The following DNAH9 variants were observed in gnomAD, a reference collection of about 807,000 sequenced individuals.
The protein encoded by DNAH9 is DNAH9 variant protein.
Under a neutral mutation model 471.6 loss-of-function variants are expected in DNAH9, and 345 were observed. That is an observed-to-expected ratio of 0.73 (90% CI 0.67 to 0.80). The LOEUF (loss-of-function observed/expected upper bound fraction) is 0.80. Ranked by LOEUF, DNAH9 falls within the 30% of genes least tolerant of loss-of-function variation. The pLI is 0.00. For synonymous variants in DNAH9, 2,093 were observed against 2,123.6 expected, an observed-to-expected ratio of 0.99 and a Z score of 0.40; for missense variants, 5,407 against 5,609.2, an observed-to-expected ratio of 0.96 and a Z score of 1.15.
chr17:11,774,006 C>T (rs1371551062), intron 38 of DNAH9, among the ~76,000 whole-genome samples: 1 of 151,742 alleles, frequency 6.6e-6, no homozygotes, highest in East Asian at 1.9e-4. Context: ...CGTGGTGGTG[C>T]GTGCCTGTAG....
chr17:11,880,705 A>G (rs1972685211), intron 54 of DNAH9, among the ~76,000 whole-genome samples: 1 of 152,158 alleles, frequency 6.6e-6, no homozygotes, highest in Non-Finnish European at 1.5e-5. Flanking sequence ...CAGAGTAATT[A>G]TCATGAAGGG....
intron 68 of DNAH9, among the ~76,000 whole-genome samples, chr17:11,967,282 A>G (rs898818126): frequency 6.6e-6 from 1 of 151,582 alleles, no homozygotes; most frequent in African/African-American, 2.4e-5. Context: ...ACTTTTTTGA[A>G]TTTTAATAGA....
intron 11 of DNAH9, among the ~76,000 whole-genome samples, chr17:11,645,879 CTT>C (rs760279719): frequency 7.1e-5 from 5 of 70,606 alleles, no homozygotes; most frequent in Non-Finnish European, 1.5e-4. Flanking sequence ...TTTTCTTTTT[CTT>C]TTTTTTTTTT....
intron 61 of DNAH9, among the ~76,000 whole-genome samples, chr17:11,913,505 G>A (rs1048112609): frequency 6.6e-5 from 10 of 151,974 alleles, no homozygotes; most frequent in East Asian, 1.9e-4. Context: ...TTTATTGTCC[G>A]GGCACGGTGG....
At chr17:11,898,569 G>A (rs549219165) in intron 59 of DNAH9, among the ~76,000 whole-genome samples, 1 of 152,224 alleles carries the variant, frequency 6.6e-6, no homozygotes, top group African/African-American at 2.4e-5. Context: ...TATATATTTT[G>A]GGGAGACACA....
chr17:11,895,895 G>T (rs1973202016), intron 59 of DNAH9, among the ~76,000 whole-genome samples: 1 of 152,140 alleles, frequency 6.6e-6, no homozygotes, highest in Admixed American at 6.6e-5. Context: ...TTATATACTT[G>T]CCGTCCCCTT....
intron 62 of DNAH9, among the ~76,000 whole-genome samples, chr17:11,926,377 C>T (rs1974329116): frequency 6.6e-6 from 1 of 152,084 alleles, no homozygotes; most frequent in South Asian, 2.1e-4. Context: ...GCCCAGCATC[C>T]ATTAGCTGTT....
intron 28 of DNAH9, among the ~76,000 whole-genome samples, chr17:11,737,358 A>G (rs1307120950): frequency 7.2e-6 from 1 of 139,566 alleles, no homozygotes; most frequent in Non-Finnish European, 1.6e-5. Context: ...CACACACACA[A>G]CCCTACAGCC....
chr17:11,812,490 A>T lies in DNAH9; in HGVS notation c.8707+2121A>T, dbSNP rs142181176. On this transcript the variant is annotated intron_variant, in intron 45 of 68. Coordinates refer to ENST00000262442, the MANE Select transcript of DNAH9 (RefSeq NM_001372.4). The stretch of plus-strand genomic sequence containing the variant: ...CCAGGAAGTTCCTGGCTTTGGAATC[A>T]TTGTCTGCTTCATATTTTGTGGCAT... Among the ~76,000 whole-genome samples, 184 of 152,092 alleles carry T rather than the reference A, an allele frequency of 1.2e-3. 1 individual carries two copies. The highest frequency in any genetic ancestry group is 3.6e-3 in the Admixed American group (55 of 15,280).
At chr17:11,949,166 C>T (rs1177220759) in intron 67 of DNAH9, among the ~76,000 whole-genome samples, 3 of 152,182 alleles carry the variant, frequency 2.0e-5, no homozygotes, top group Non-Finnish European at 1.5e-5. Flanking sequence ...ATTATGAAAG[C>T]ATTTATTGAT....
chr17:11,717,897 A>C (rs1198932706), intron 26 of DNAH9, among the ~76,000 whole-genome samples: 3 of 152,152 alleles, frequency 2.0e-5, no homozygotes, highest in Non-Finnish European at 4.4e-5. Context: ...TTTTTGAGAC[A>C]GGGTTTCACT....
Position 11,761,274 on chromosome 17 carries a change from C to T in DNAH9, c.6996-2166C>T, listed in dbSNP as rs188713052. Among the ~76,000 whole-genome samples the T allele has an allele frequency of 6.2e-4, 95 of 152,328 alleles. 2 individuals are homozygous for T. In the East Asian group the frequency reaches 0.013, roughly 20 times the overall value. On this transcript the variant is annotated intron_variant, in intron 35 of 68. Coordinates refer to ENST00000262442, the MANE Select transcript of DNAH9 (RefSeq NM_001372.4). Reference sequence around the variant, plus strand: ...TAATGGAGGCTTCTGCCCCACCTGCCTCAGCTCAGGACTGCAATGGGAAAG... The same window carrying T: ...TAATGGAGGCTTCTGCCCCACCTGCTTCAGCTCAGGACTGCAATGGGAAAG...
intron 19 of DNAH9, among the ~76,000 whole-genome samples, chr17:11,681,840 G>C (rs552461751): frequency 6.6e-6 from 1 of 152,318 alleles, no homozygotes; most frequent in African/African-American, 2.4e-5. Context: ...ACAGATGCTA[G>C]ATTCAGGTGG....
chr17:11,851,756 A>G (rs555274275), intron 49 of DNAH9, among the ~76,000 whole-genome samples: 2 of 152,252 alleles, frequency 1.3e-5, no homozygotes, highest in African/African-American at 4.8e-5. Flanking sequence ...CAGATATTCG[A>G]GTGAGAAAAT....
chr17:11,767,484 C>T (rs1027374660), intron 36 of DNAH9, among the ~76,000 whole-genome samples: 2 of 152,182 alleles, frequency 1.3e-5, no homozygotes, highest in Admixed American at 1.3e-4. Flanking sequence ...ATGAGGAGTG[C>T]CCTTTTTTCG....
In DNAH9 at chr17:11,942,420, G is replaced by A. The variant is rs772269814; in HGVS notation, c.12778G>A (p.Gly4260Ser). The part of the protein sequence containing the change: ...PYIVVAFQEC[G>S]RMNILTREIQ... ...CATTGTAGTTGCCTTCCAGGAGTGT[G>A]GCCGGATGAATATCCTCACCAGAGA... Residue 4260 changes from glycine to serine, a missense_variant, in exon 67 of 69, where the codon GGC becomes AGC. Coordinates refer to ENST00000262442, the MANE Select transcript of DNAH9 (RefSeq NM_001372.4). 6 of 1,614,172 alleles carry A rather than the reference G, an allele frequency of 3.7e-6. No individual in the cohort carries two copies. The East Asian group carries it at 1.3e-4, about 36-fold the overall frequency.
chr17:11,664,671 T>C (rs181451827), intron 14 of DNAH9, among the ~76,000 whole-genome samples, 162 bp from the exon 15 acceptor site: 2 of 152,356 alleles, frequency 1.3e-5, no homozygotes, highest in Non-Finnish European at 2.9e-5. Flanking sequence ...TTTCAGTCAA[T>C]GGTAATACTC....
chr17:11,639,767 T>A (rs1254144455), intron 9 of DNAH9, among the ~76,000 whole-genome samples: 1 of 152,144 alleles, frequency 6.6e-6, no homozygotes, highest in Non-Finnish European at 1.5e-5. Flanking sequence ...CCCAGCACTT[T>A]GGGGGATTGA....
intron 43 of DNAH9, among the ~76,000 whole-genome samples, chr17:11,804,603 G>C (rs547654611): frequency 6.6e-6 from 1 of 152,326 alleles, no homozygotes; most frequent in East Asian, 1.9e-4. Context: ...GATTGGCCAG[G>C]TGCGGTGGCT....
Sources: gnomAD v4.1 joint callset for allele counts (sites outside exome capture counted in the v4.1 genomes callset) on GRCh38, gnomAD v4.1.1 for gene constraint, MANE v1.5 for transcripts, NCBI Gene and HGNC (gene_info 2026-07-23, HGNC 2026-07-21) for gene names.